EDA: variants seen among roughly 807,000 people sequenced by gnomAD.
EDA encodes ectodysplasin-A.
EDA carries 2 observed loss-of-function variants against 23.6 expected under a neutral mutation model. The observed-to-expected ratio is 0.08, with a 90% CI of 0.03 to 0.27. The LOEUF (loss-of-function observed/expected upper bound fraction) is 0.27, where lower values mean the gene tolerates loss of function less well. Among genes scored for constraint, EDA ranks in the 10% least tolerant of loss-of-function variants. The probability of loss-of-function intolerance (pLI) is 1.00; values close to 1 mark genes in which losing one functional copy is unlikely to be tolerated. For synonymous variants in EDA, 131 were observed against 132.0 expected (o/e 0.99, Z 0.05); for missense variants, 229 against 324.2 (o/e 0.71, Z 2.26).
intron 3 of EDA, among the ~76,000 whole-genome samples, chrX:70,025,073 C>G (rs2020090127): frequency 9.0e-6 from 1 of 111,473 alleles, no homozygotes; most frequent in African/African-American, 3.3e-5. Context: ...AGCTCACTTG[C>G]CTAACCCTTG....
chrX:69,747,805 A>C (rs1432725960), intron 1 of EDA, among the ~76,000 whole-genome samples: 6 of 111,761 alleles, frequency 5.4e-5, no homozygotes, highest in Non-Finnish European at 1.1e-4. Context: ...TGGGTAGCTT[A>C]AAATGGAGTG....
chrX:70,035,711 G>T lies in EDA; in HGVS notation c.*102G>T, dbSNP rs2020258771. On this transcript the variant is annotated 3_prime_UTR_variant, in exon 8 of 8. Transcript: ENST00000374552. ...CTGTGGAGTGAGGTGTATTGGTGTT[G>T]CAGCCGCAGAGAAATGCCCCAGTGT... 9.8e-7 allele frequency: 1 copy of T among 1,022,980 alleles called. No homozygotes were observed. Among genetic ancestry groups the T allele is most frequent in the Admixed American group, 2.3e-5 (1 of 42,715 alleles). 84.3% of individuals were successfully genotyped at this position (1,022,980 alleles called of 1,213,427 possible). A position where few individuals can be genotyped will look rare whatever the true frequency, so the allele number is the denominator to read the frequency against.
intron 1 of EDA, among the ~76,000 whole-genome samples, chrX:69,826,209 A>G (rs1244614015): frequency 9.0e-6 from 1 of 110,945 alleles, no homozygotes; most frequent in Non-Finnish European, 1.9e-5. Flanking sequence ...TAGATGTCTA[A>G]TAGGTCTGCT....
chrX:69,728,735 CA>C (rs201690303), intron 1 of EDA, among the ~76,000 whole-genome samples: 1,722 of 111,040 alleles, frequency 0.016, 31 homozygotes, highest in African/African-American at 0.055. Context: ...TTTAATAGCT[CA>C]AGTGAAAAAC....
At chrX:69,784,061 A>G (rs1249135832) in intron 1 of EDA, among the ~76,000 whole-genome samples, 41 of 107,175 alleles carry the variant, frequency 3.8e-4, no homozygotes, top group African/African-American at 1.3e-3. Flanking sequence ...AGCATTTTTC[A>G]TGTGTTTTTT....
intron 1 of EDA, among the ~76,000 whole-genome samples, chrX:69,875,271 A>AT (rs757668900): frequency 1.1e-3 from 122 of 112,345 alleles, no homozygotes; most frequent in African/African-American, 3.5e-3. Flanking sequence ...TGGTGCTGAT[A>AT]TAAAAATAGG....
At chrX:69,929,450 C>G (rs2018565880) in intron 1 of EDA, among the ~76,000 whole-genome samples, 1 of 110,927 alleles carries the variant, frequency 9.0e-6, no homozygotes, top group Admixed American at 9.6e-5. Context: ...AATTTAGGTC[C>G]TTAGGCAAAC....
chrX:69,950,947 G>C (rs1244257705), intron 1 of EDA, among the ~76,000 whole-genome samples: 33 of 76,449 alleles, frequency 4.3e-4, no homozygotes, highest in East Asian at 1.8e-3. Context: ...GTTGTGGGGT[G>C]GGGGGAGGGG....
intron 1 of EDA, among the ~76,000 whole-genome samples, chrX:69,889,022 T>TA (rs2017882841): frequency 3.6e-5 from 1 of 27,668 alleles, no homozygotes; most frequent in African/African-American, 1.1e-4. Context: ...ATATATATAT[T>TA]ATGTTTTTCC....
At chrX:69,882,891 G>A (rs2017770647) in intron 1 of EDA, among the ~76,000 whole-genome samples, 1 of 110,853 alleles carries the variant, frequency 9.0e-6, no homozygotes, top group African/African-American at 3.3e-5. Context: ...TAGTAGAGAC[G>A]GGGTTTCTCC....
intron 1 of EDA, among the ~76,000 whole-genome samples, chrX:69,800,876 C>A (rs2015667824): frequency 9.0e-6 from 1 of 111,439 alleles, no homozygotes; most frequent in South Asian, 3.8e-4. Context: ...TTATCTGTGA[C>A]CTCTGCACAT....
intron 1 of EDA, among the ~76,000 whole-genome samples, chrX:69,847,082 T>C (rs1220304957): frequency 9.0e-6 from 1 of 111,682 alleles, no homozygotes; most frequent in Non-Finnish European, 1.9e-5. Flanking sequence ...ATACGGGTTG[T>C]GTATGGAGTT....
chrX:70,022,418 G>A (rs2020047844), intron 2 of EDA, among the ~76,000 whole-genome samples: 1 of 108,929 alleles, frequency 9.2e-6, no homozygotes, highest in Admixed American at 9.9e-5. Flanking sequence ...TTCACTGCAA[G>A]CTCCACCTCC....
At chrX:69,698,606 T>A (rs2011437933) in intron 1 of EDA, among the ~76,000 whole-genome samples, 1 of 111,556 alleles carries the variant, frequency 9.0e-6, no homozygotes, top group Non-Finnish European at 1.9e-5. Context: ...TCAAAGGGAC[T>A]ATAAAAAGAG....
intron 1 of EDA, among the ~76,000 whole-genome samples, chrX:69,947,803 T>C (rs2018856182): frequency 8.9e-6 from 1 of 112,374 alleles, no homozygotes; most frequent in Admixed American, 9.4e-5. Context: ...GGACCCAACT[T>C]ATATTTTCCA....
intron 1 of EDA, among the ~76,000 whole-genome samples, chrX:69,704,057 T>G (rs2011618728): frequency 8.9e-6 from 1 of 111,960 alleles, no homozygotes; most frequent in South Asian, 3.8e-4. Flanking sequence ...TGAAGAGATT[T>G]ATTCTGAGCC....
intron 1 of EDA, among the ~76,000 whole-genome samples, chrX:69,951,584 A>G (rs2018927974): frequency 8.9e-6 from 1 of 111,895 alleles, no homozygotes; most frequent in South Asian, 3.7e-4. Flanking sequence ...TTTTCTATGA[A>G]TTATCTAGTA....
chrX:69,666,300 CTGAT>C (rs1933679582), intron 1 of EDA, among the ~76,000 whole-genome samples: 1 of 111,531 alleles, frequency 9.0e-6, no homozygotes, highest in African/African-American at 3.3e-5. Context: ...TTTTTCTTGT[CTGAT>C]TGTTCTGTCT....
At chrX:69,795,549 C>T (rs368889449) in intron 1 of EDA, among the ~76,000 whole-genome samples, 30 of 112,694 alleles carry the variant, frequency 2.7e-4, no homozygotes, top group African/African-American at 9.0e-4. Flanking sequence ...TCATTAAAAA[C>T]ATAATCTGAG....
Sources: allele counts gnomAD v4.1 joint callset (sites outside exome capture counted in the v4.1 genomes callset), GRCh38; gene constraint gnomAD v4.1.1; transcripts MANE v1.5; gene names NCBI Gene and HGNC (gene_info 2026-07-23, HGNC 2026-07-21).